CHRDL1: variants seen among roughly 807,000 people sequenced by gnomAD.
CHRDL1 encodes chordin-like protein 1.
Under a neutral mutation model 40.9 loss-of-function variants are expected in CHRDL1, and 19 were observed. The ratio of observed to expected loss-of-function variants is 0.46; its 90% confidence interval spans 0.32 to 0.68. CHRDL1 has a LOEUF of 0.68. Among genes scored for constraint, CHRDL1 ranks in the 30% least tolerant of loss-of-function variants. The pLI is 0.03. For missense variants in CHRDL1, 329 were observed against 352.1 expected, an observed-to-expected ratio of 0.93 and a Z score of 0.53; for synonymous variants, 136 against 123.4, an observed-to-expected ratio of 1.10 and a Z score of -0.68.
At chrX:110,687,855 A>T (rs1460419977) in intron 9 of CHRDL1, among the ~76,000 whole-genome samples, 1 of 111,629 alleles carries the variant, frequency 9.0e-6, no homozygotes, top group African/African-American at 3.3e-5. Flanking sequence ...CTCATGTTTT[A>T]AAAACTACCA....
At chrX:110,706,248 A>AAAAAC (rs1388544647) in intron 6 of CHRDL1, among the ~76,000 whole-genome samples, 1 of 112,071 alleles carries the variant, frequency 8.9e-6, no homozygotes, top group African/African-American at 3.2e-5. Flanking sequence ...TCTTTTTGTA[A>AAAAAC]AAAACAAAAC....
intron 4 of CHRDL1, among the ~76,000 whole-genome samples, chrX:110,723,095 C>T (rs919342654): frequency 3.6e-5 from 4 of 110,595 alleles, no homozygotes; most frequent in African/African-American, 1.3e-4. Flanking sequence ...CTAAAAAATA[C>T]AAAAAATTAG....
chrX:110,721,676 A>G (rs1016151357), intron 4 of CHRDL1, 146 bp from the exon 5 acceptor site: 16 of 483,482 alleles, frequency 3.3e-5, no homozygotes, highest in Admixed American at 2.8e-4. Context: ...GAATAATGTT[A>G]AAACAGCCAG....
At chrX:110,689,704 T>C in intron 8 of CHRDL1, among the ~76,000 whole-genome samples, 2 of 45,836 alleles carry the variant, frequency 4.4e-5, no homozygotes, top group East Asian at 7.3e-4. Context: ...TATATCTATA[T>C]ATCTATATAT....
In CHRDL1 at chrX:110,687,420, A is replaced by C. The variant is rs1347305575; in HGVS notation, c.988+1174T>G. Among the ~76,000 whole-genome samples the C allele has an allele frequency of 3.6e-5, 4 of 111,677 alleles. No homozygotes were observed. In the East Asian group the frequency reaches 1.1e-3, roughly 31 times the overall value. ...CGCCAAGGGGTTCTAATGTTCAGACAAGTTTGAGTACCACTGGCCTGCAGG... is the reference window on the plus strand; with the variant it reads ...CGCCAAGGGGTTCTAATGTTCAGACCAGTTTGAGTACCACTGGCCTGCAGG... On this transcript the variant is annotated intron_variant, in intron 9 of 11. Coordinates refer to ENST00000372042, the MANE Select transcript of CHRDL1 (RefSeq NM_001143981.2).
intron 2 of CHRDL1, among the ~76,000 whole-genome samples, chrX:110,772,523 T>C (rs1394314697): frequency 8.9e-6 from 1 of 112,234 alleles, no homozygotes; most frequent in Non-Finnish European, 1.9e-5. Context: ...CCTGTAATCA[T>C]AGCTACTCAG....
In CHRDL1 at chrX:110,721,468, T is replaced by C; in HGVS notation, c.364A>G (p.Thr122Ala). Reference protein sequence around the residue: ...TSKSCEYNGTTYQHGELFVAE... With the variant: ...TSKSCEYNGTAYQHGELFVAE... ...ACGAACAGCTCTCCATGTTGGTAAG[T>C]TGTCCCATTGTACTCGCAAGACTTG... The change falls in exon 5 of 12, where the codon ACT (threonine) becomes GCT (alanine). Residue 122 changes from threonine (T) to alanine (A), a missense_variant. Physicochemically the swap from Thr to Ala is moderately conservative, Grantham distance 58 (BLOSUM62 0). Transcript: ENST00000372042. The C allele has an allele frequency of 8.3e-7, 1 of 1,206,493 alleles. No homozygotes were observed. Among genetic ancestry groups the C allele is most frequent in the Non-Finnish European group, 1.1e-6 (1 of 890,631 alleles).
intron 4 of CHRDL1, among the ~76,000 whole-genome samples, chrX:110,740,822 A>G (rs2071346514): frequency 8.9e-6 from 1 of 112,065 alleles, no homozygotes; most frequent in African/African-American, 3.2e-5. Flanking sequence ...TTGTGTCTAG[A>G]ACAGGGGTTA....
At chrX:110,736,364 C>G (rs764094936) in intron 4 of CHRDL1, among the ~76,000 whole-genome samples, 1 of 111,925 alleles carries the variant, frequency 8.9e-6, no homozygotes, top group African/African-American at 3.2e-5. Context: ...GGGATGGTGA[C>G]AATTCCTTAG....
At chrX:110,678,228 G>A (rs1056273813) in intron 11 of CHRDL1, among the ~76,000 whole-genome samples, 11 of 112,098 alleles carry the variant, frequency 9.8e-5, no homozygotes, top group African/African-American at 2.9e-4. Context: ...ATCTGGCTTC[G>A]TCAAAGTGTG....
chrX:110,721,517 G>T lies in CHRDL1; in HGVS notation c.315C>A (p.Pro105=), dbSNP rs138293229. 3.2e-4 allele frequency: 386 copies of T among 1,206,084 alleles called. 1 individual carries two copies. Among genetic ancestry groups the T allele is most frequent in the Non-Finnish European group, 4.0e-4 (356 of 891,586 alleles). The change falls in exon 5 of 12, where the codon CCC becomes CCA. Residue 105 remains proline, a synonymous_variant. Coordinates refer to ENST00000372042, the MANE Select transcript of CHRDL1 (RefSeq NM_001143981.2). ...TGCTGGTCACCTTATTGTTCACTGG[G>T]GGTAAGGAGTCTTCTAGAACAGGGT... The part of the protein sequence containing the change: ...CCPRCPEDSL[P]PVNNKVTSKS...
At chrX:110,689,677 ATAT>A (rs2070163768) in intron 8 of CHRDL1, among the ~76,000 whole-genome samples, 1 of 39,071 alleles carries the variant, frequency 2.6e-5, no homozygotes. Flanking sequence ...CTATATATCT[ATAT>A]ATCTATATAT....
chrX:110,753,978 C>A (rs1484213438), intron 4 of CHRDL1, among the ~76,000 whole-genome samples: 1 of 112,188 alleles, frequency 8.9e-6, no homozygotes, highest in Non-Finnish European at 1.9e-5. Context: ...TTAGTTCATA[C>A]ATGATTACCC....
chrX:110,716,346 T>C (rs1411948900), intron 6 of CHRDL1, among the ~76,000 whole-genome samples: 6 of 110,196 alleles, frequency 5.4e-5, no homozygotes, highest in Non-Finnish European at 1.1e-4. Flanking sequence ...TCCAATCTAG[T>C]GTGCATTCAT....
intron 3 of CHRDL1, among the ~76,000 whole-genome samples, chrX:110,760,126 A>C (rs994571113): frequency 1.8e-5 from 2 of 112,287 alleles, no homozygotes; most frequent in Non-Finnish European, 3.8e-5. Flanking sequence ...CATGAAAGAC[A>C]CAATGAGCAA....
intron 1 of CHRDL1, among the ~76,000 whole-genome samples, chrX:110,794,115 C>A (rs768675747): frequency 1.2e-4 from 13 of 111,787 alleles, no homozygotes; most frequent in African/African-American, 1.6e-4. Flanking sequence ...CCCCAGATCT[C>A]CTCACTGTTC....
Position 110,700,727 on chromosome X carries a change from T to C in CHRDL1, c.542-6A>G. On this transcript the variant is annotated splice_polypyrimidine_tract_variant and splice_region_variant and intron_variant, in intron 6 of 11. Coordinates refer to ENST00000372042, the MANE Select transcript of CHRDL1 (RefSeq NM_001143981.2). ...CCATGACAGTTCTCCATCTCCTGTT[T>C]ATTAAAAAGAAATAAGGAGAAAATC... is the stretch of plus-strand genomic sequence containing the variant. The C allele has an allele frequency of 8.9e-7, 1 of 1,119,496 alleles. No individual in the cohort carries two copies. The highest frequency in any genetic ancestry group is 1.2e-6 in the Non-Finnish European group (1 of 811,788). The allele number at this position is 1,119,496 out of a possible 1,213,427, so 92.3% of individuals were successfully genotyped here.
chrX:110,785,594 T>C (rs2090005798), intron 2 of CHRDL1, among the ~76,000 whole-genome samples: 1 of 111,854 alleles, frequency 8.9e-6, no homozygotes, highest in African/African-American at 3.2e-5. Context: ...CCCTGATCCA[T>C]ACTGTTTAAA....
chrX:110,747,386 C>CA lies in CHRDL1; in HGVS notation c.301+12274dup, dbSNP rs771351656. On this transcript the variant is annotated intron_variant, in intron 4 of 11. Transcript: ENST00000372042. ...ACAAAAAGACCCAAAAACCAAAAAC[C>CA]AAAAAAAAAAAAATCAAAACAAAAC... 7.7e-3 allele frequency among the ~76,000 whole-genome samples: 550 copies of CA among 71,392 alleles called. 4 individuals carry two copies. The highest frequency in any genetic ancestry group is 0.015 in the South Asian group (18 of 1,181). The allele number at this position is 71,392 out of a possible 115,157, so 62.0% of individuals were successfully genotyped here.
Sources: allele counts gnomAD v4.1 joint callset (sites outside exome capture counted in the v4.1 genomes callset), GRCh38; gene constraint gnomAD v4.1.1; transcripts MANE v1.5; gene names NCBI Gene and HGNC (gene_info 2026-07-23, HGNC 2026-07-21).